PCDH10: variants seen among roughly 807,000 people sequenced by gnomAD.
PCDH10 encodes protocadherin-10.
PCDH10 carries 15 observed loss-of-function variants against 74.4 expected under a neutral mutation model. The ratio of observed to expected loss-of-function variants is 0.20; its 90% CI spans 0.13 to 0.31. The LOEUF is 0.31. Among genes scored for constraint, PCDH10 ranks in the 10% least tolerant of loss-of-function variants. The pLI, the probability that PCDH10 is intolerant of heterozygous loss-of-function variation, is 1.00. For missense variants in PCDH10, 1,260 were observed against 1,390.2 expected (o/e 0.91, Z 1.49); for synonymous variants, 619 against 589.8 (o/e 1.05, Z -0.72).
At chr4:133,153,220 T>C in intron 1 of PCDH10, 1 of 1,051,414 alleles carries the variant, frequency 9.5e-7, no homozygotes, top group South Asian at 3.8e-5. Context: ...TAGTCGCGTG[T>C]ACAAGTAAGC....
chr4:133,154,116 G>T (rs1387083983), intron 1 of PCDH10, among the ~76,000 whole-genome samples, 191 bp from the exon 2 acceptor site: 1 of 152,042 alleles, frequency 6.6e-6, no homozygotes, highest in Non-Finnish European at 1.5e-5. Flanking sequence ...ACTAAAATGT[G>T]GATTTAAGTG....
At chr4:133,203,989 G>C (rs1478305193) in intron 2 of PCDH10, among the ~76,000 whole-genome samples, 1 of 152,134 alleles carries the variant, frequency 6.6e-6, no homozygotes, top group East Asian at 1.9e-4. Context: ...TTTTTCATTG[G>C]GAGAGCAGTT....
intron 4 of PCDH10, among the ~76,000 whole-genome samples, chr4:133,178,117 T>C (rs1239079173): frequency 6.6e-6 from 1 of 151,342 alleles, no homozygotes; most frequent in Non-Finnish European, 1.5e-5. Context: ...AGGTTAAGAT[T>C]TGAAAGTTGT....
rs547043713 is a variant in PCDH10, at chr4:133,163,023, C to A, written c.2844C>A (p.Gly948=). 6.2e-7 allele frequency: 1 copy of A among 1,614,084 alleles called. No individual in the cohort carries two copies. Among genetic ancestry groups the A allele is most frequent in the Non-Finnish European group, 8.5e-7 (1 of 1,179,986 alleles). The change falls in exon 4 of 5, where the codon GGC becomes GGA. Residue 948 remains glycine, a synonymous_variant. Transcript: ENST00000264360. ...SNCTEECKAL[G]HSDRCWMPSF... is the part of the protein sequence containing the mutation. ...GCACTGAGGAATGTAAAGCTCTGGGCCACTCAGATCGGTGCTGGATGCCTT... is the reference window on the plus strand; with the variant it reads ...GCACTGAGGAATGTAAAGCTCTGGGACACTCAGATCGGTGCTGGATGCCTT...
intron 4 of PCDH10, among the ~76,000 whole-genome samples, chr4:133,185,895 G>T (rs1170659216): frequency 6.6e-6 from 1 of 151,988 alleles, no homozygotes; most frequent in Admixed American, 6.6e-5. Context: ...TTATTAAATT[G>T]TTATTTTAAT....
chr4:133,194,809 A>G (rs551742328), downstream of PCDH10: 8 of 152,112 alleles, frequency 5.3e-5, no homozygotes, highest in Non-Finnish European at 1.0e-4. Context: ...AAAGGATTTC[A>G]TTATATTTAT....
intron 1 of PCDH10, chr4:133,153,053 C>T (rs923877927): frequency 4.3e-6 from 6 of 1,389,460 alleles, no homozygotes; most frequent in Non-Finnish European, 5.6e-6. Context: ...AGTCCTTTCC[C>T]TTCTCAGTAA....
chr4:133,199,381 GGGGTA>G (rs1560718851), downstream of PCDH10, among the ~76,000 whole-genome samples: 1 of 150,856 alleles, frequency 6.6e-6, no homozygotes, highest in African/African-American at 2.4e-5. Context: ...AAGAGACATT[GGGGTA>G]GGAAGAGACT....
chr4:133,160,686 T>C (rs990783973), intron 3 of PCDH10, among the ~76,000 whole-genome samples: 1 of 150,848 alleles, frequency 6.6e-6, no homozygotes, highest in Non-Finnish European at 1.5e-5. Context: ...GAAGAGTAGT[T>C]GGGCCTAGGT....
intron 4 of PCDH10, among the ~76,000 whole-genome samples, chr4:133,188,992 T>C (rs376610272): frequency 2.0e-5 from 3 of 152,106 alleles, no homozygotes; most frequent in Admixed American, 6.6e-5. Flanking sequence ...ATGGTTTTGA[T>C]TGATGTGCCT....
rs1379086396 is a variant in PCDH10, at chr4:133,150,631, A to G, written c.491A>G (p.Asn164Ser). The G allele has an allele frequency of 6.2e-7, 1 of 1,613,264 alleles. No individual in the cohort carries two copies. Among genetic ancestry groups the G allele is most frequent in the Admixed American group, 1.7e-5 (1 of 59,984 alleles). The part of the protein sequence containing the change: ...NSLRDYEITP[N>S]SYFSLDVQTQ... ...TTGCGCGACTACGAGATCACCCCCA[A>G]CAGCTACTTCTCCCTGGACGTGCAG... The change falls in exon 1 of 5, where the codon AAC (asparagine) becomes AGC (serine). Residue 164 changes from asparagine (N) to serine (S), a missense_variant. This residue lies in a region of PCDH10 where 35 missense variants were observed against 29.1 expected (regional missense o/e 1.20). Transcript: ENST00000264360.
chr4:133,204,746 C>T (rs1000579503), intron 2 of PCDH10, among the ~76,000 whole-genome samples: 2 of 152,122 alleles, frequency 1.3e-5, no homozygotes, highest in African/African-American at 4.8e-5. Flanking sequence ...TTACTTGCCT[C>T]CTATTCACTC....
intron 4 of PCDH10, among the ~76,000 whole-genome samples, chr4:133,182,131 G>C (rs1166241245): frequency 6.6e-6 from 1 of 152,006 alleles, no homozygotes; most frequent in East Asian, 1.9e-4. Flanking sequence ...AGTAGCTGGA[G>C]TGAATATTGT....
At chr4:133,206,453 A>C (rs1728005765) in intron 2 of PCDH10, among the ~76,000 whole-genome samples, 1 of 152,134 alleles carries the variant, frequency 6.6e-6, no homozygotes, top group Admixed American at 6.5e-5. Context: ...CCTTTTTATT[A>C]GGCTTATTTT....
At chr4:133,155,581 G>C (rs1262169608) in intron 3 of PCDH10, among the ~76,000 whole-genome samples, 1 of 152,132 alleles carries the variant, frequency 6.6e-6, no homozygotes, top group Non-Finnish European at 1.5e-5. Flanking sequence ...TGAGTCTTAG[G>C]CTTCAGAACG....
intron 4 of PCDH10, among the ~76,000 whole-genome samples, chr4:133,165,784 A>G (rs1206375614): frequency 6.6e-6 from 1 of 151,762 alleles, no homozygotes; most frequent in Admixed American, 6.6e-5. Context: ...AAATGACGAT[A>G]TGCTTAAAAA....
chr4:133,169,906 G>A (rs755928104), intron 4 of PCDH10, among the ~76,000 whole-genome samples: 6 of 151,754 alleles, frequency 4.0e-5, no homozygotes, highest in Admixed American at 2.6e-4. Flanking sequence ...AAACTGTTTC[G>A]AACACTGAGA....
At chr4:133,170,959 A>G (rs1046385693) in intron 4 of PCDH10, among the ~76,000 whole-genome samples, 6 of 152,008 alleles carry the variant, frequency 3.9e-5, no homozygotes, top group African/African-American at 9.7e-5. Context: ...TACAGGCACG[A>G]ACCACCTCGC....
At chr4:133,184,489 G>A (rs568209829) in intron 4 of PCDH10, among the ~76,000 whole-genome samples, 1 of 151,450 alleles carries the variant, frequency 6.6e-6, no homozygotes, top group South Asian at 2.1e-4. Context: ...CTGGCGTTGT[G>A]GTGCGCAACT....
Sources: allele counts gnomAD v4.1 joint callset (sites outside exome capture counted in the v4.1 genomes callset), GRCh38; gene constraint gnomAD v4.1.1; regional missense constraint gnomAD v4.1.1; transcripts MANE v1.5; gene names NCBI Gene and HGNC (gene_info 2026-07-23, HGNC 2026-07-21).